OGN: variants seen among roughly 807,000 people sequenced by gnomAD.
OGN encodes mimecan.
A neutral mutation model predicts 30.8 loss-of-function variants in OGN; 19 were observed. The ratio of observed to expected loss-of-function variants is 0.62; its 90% CI spans 0.43 to 0.90. The LOEUF is 0.90. Among genes scored for constraint, OGN ranks in the 40% least tolerant of loss-of-function variants. The probability of loss-of-function intolerance (pLI) is 0.00; values close to 1 mark genes in which losing one functional copy is unlikely to be tolerated. For missense variants in OGN, 283 were observed against 349.7 expected, an observed-to-expected ratio of 0.81 and a Z score of 1.52; for synonymous variants, 126 against 128.3, an observed-to-expected ratio of 0.98 and a Z score of 0.12.
rs565018129 is a variant in OGN at position 92,388,463 on chromosome 9, G to A, written c.630+1391C>T. ...AGGCGTGAGCCACTGAACCTGTCCT[G>A]ATCAACTTTTATAGGTCTTTAACAT... is the stretch of plus-strand genomic sequence containing the variant. On this transcript the variant is annotated intron_variant, in intron 5 of 6. Coordinates refer to ENST00000375561, the MANE Select transcript of OGN (RefSeq NM_014057.5). 1.6e-4 allele frequency among the ~76,000 whole-genome samples: 24 copies of A among 151,918 alleles called. No homozygotes were observed. In the South Asian group the frequency reaches 5.0e-3, roughly 32 times the overall value.
rs1842317203 is a variant in OGN, at chr9:92,383,528, C to T, written c.*2092G>A. Among the ~76,000 whole-genome samples, 1 of 151,702 alleles carries T rather than the reference C, an allele frequency of 6.6e-6. No homozygotes were observed. Among genetic ancestry groups the T allele is most frequent in the African/African-American group, 2.4e-5 (1 of 41,282 alleles). On this transcript the variant is annotated 3_prime_UTR_variant, in exon 7 of 7. Transcript: ENST00000375561. ...ATTTAAAGCCTCTAATTATTAGTGT[C>T]AAGAATGAAACATTATGAATATAAT...
In OGN at chr9:92,383,872, T is replaced by C. The variant is rs1266038031; in HGVS notation, c.*1748A>G. The C allele has an allele frequency of 1.3e-5, 2 of 152,192 alleles. No homozygotes were observed. The highest frequency in any genetic ancestry group is 2.9e-5 in the Non-Finnish European group (2 of 68,004). The allele number at this position is 152,192 out of a possible 1,614,324, so 9.4% of individuals were successfully genotyped here. ...CATAAGTTTTATCATAAAAATAATA[T>C]AGGAATACATTATTTTTCTGAAAAC... On this transcript the variant is annotated 3_prime_UTR_variant, in exon 7 of 7. Transcript: ENST00000375561.
intron 3 of OGN, among the ~76,000 whole-genome samples, chr9:92,395,745 T>C (rs1289995931): frequency 2.6e-5 from 4 of 152,200 alleles, no homozygotes; most frequent in East Asian, 1.9e-4. Context: ...GTGTTTTAAT[T>C]TGTATTCTCT....
chr9:92,395,469 A>G (rs796405492), intron 3 of OGN, among the ~76,000 whole-genome samples: 7 of 152,176 alleles, frequency 4.6e-5, no homozygotes, highest in African/African-American at 1.7e-4. Flanking sequence ...TATTTCAAAG[A>G]AATTTATGTG....
chr9:92,401,028 G>A, intron 3 of OGN, 64 bp downstream of exon 3: 2 of 766,962 alleles, frequency 2.6e-6, no homozygotes, highest in Non-Finnish European at 2.2e-6. Context: ...ATTACCACAA[G>A]GAATAAAGTC....
chr9:92,386,396 C>T (rs1842423312), intron 5 of OGN, 100 bp from the exon 6 acceptor site: 9 of 724,296 alleles, frequency 1.2e-5, no homozygotes, highest in Non-Finnish European at 1.7e-5. Flanking sequence ...TCTATATATA[C>T]AGACTTGCAT....
intron 5 of OGN, among the ~76,000 whole-genome samples, chr9:92,389,365 A>G (rs889331977): frequency 6.6e-6 from 1 of 152,212 alleles, no homozygotes; most frequent in Admixed American, 6.5e-5. Flanking sequence ...TTTATATTAC[A>G]TGCTCTCATG....
intron 3 of OGN, among the ~76,000 whole-genome samples, chr9:92,393,700 A>G (rs561327858): frequency 3.9e-4 from 59 of 152,262 alleles, no homozygotes; most frequent in African/African-American, 1.3e-3. Flanking sequence ...ACCCCAAGTC[A>G]TTTATTACAT....
chr9:92,389,666 T>C lies in OGN; in HGVS notation c.630+188A>G, dbSNP rs1588084931. ...TAAAATAAAGGTTATGTATTTTAACTGAGATATGGGTATAAGCTAGGCTGA... is the reference window on the plus strand; with the variant it reads ...TAAAATAAAGGTTATGTATTTTAACCGAGATATGGGTATAAGCTAGGCTGA... On this transcript the variant is annotated intron_variant, in intron 5 of 6. Coordinates refer to ENST00000375561, the MANE Select transcript of OGN (RefSeq NM_014057.5). 8.6e-6 allele frequency: 4 copies of C among 462,912 alleles called. No homozygotes were observed. The East Asian group carries it at 1.3e-4, about 16-fold the overall frequency. The allele number at this position is 462,912 out of a possible 1,614,324, so 28.7% of individuals were successfully genotyped here. A position where few individuals can be genotyped will look rare whatever the true frequency, so the allele number is the denominator to read the frequency against.
intron 4 of OGN, among the ~76,000 whole-genome samples, chr9:92,390,911 G>A (rs1298844071): frequency 6.6e-6 from 1 of 152,068 alleles, no homozygotes. Flanking sequence ...GCATATCACA[G>A]CCTTTTTGTG....
chr9:92,389,270 C>T (rs1036798224), intron 5 of OGN, among the ~76,000 whole-genome samples: 4 of 152,094 alleles, frequency 2.6e-5, no homozygotes, highest in African/African-American at 9.7e-5. Flanking sequence ...TCTACCTAAA[C>T]CGAAGTAGAT....
chr9:92,394,995 G>A (rs917411983), intron 3 of OGN, among the ~76,000 whole-genome samples: 1 of 152,134 alleles, frequency 6.6e-6, no homozygotes, highest in Non-Finnish European at 1.5e-5. Context: ...TAGTCAAATT[G>A]TCACAGATTA....
At chr9:92,386,673 C>A (rs1250267878) in intron 5 of OGN, among the ~76,000 whole-genome samples, 1 of 152,140 alleles carries the variant, frequency 6.6e-6, no homozygotes, top group African/African-American at 2.4e-5. Context: ...CTGCCATAAC[C>A]TCTCCTGTAC....
chr9:92,401,830 T>G (rs1843124194), intron 2 of OGN, among the ~76,000 whole-genome samples: 1 of 152,156 alleles, frequency 6.6e-6, no homozygotes, highest in Non-Finnish European at 1.5e-5. Context: ...GAGAGTACGT[T>G]TTCTGCCATT....
rs1425578687 is a variant in OGN at position 92,393,165 on chromosome 9, GGGT to G, written c.345_347del (p.Pro116del). ...AAAGATAGGCTGATTCCTTTGGTAAGGGTGGTACAGCATCAATGTCAACTTCTT... is the reference window on the plus strand; with the variant it reads ...AAAGATAGGCTGATTCCTTTGGTAAGGGTACAGCATCAATGTCAACTTCTT... On this transcript the variant is annotated inframe_deletion, in exon 4 of 7. Coordinates refer to ENST00000375561, the MANE Select transcript of OGN (RefSeq NM_014057.5). The G allele has an allele frequency of 6.2e-7, 1 of 1,613,762 alleles. No homozygotes were observed. Among genetic ancestry groups the G allele is most frequent in the East Asian group, 2.2e-5 (1 of 44,832 alleles).
intron 4 of OGN, among the ~76,000 whole-genome samples, chr9:92,392,446 A>AC (rs759321554): frequency 6.6e-6 from 1 of 152,086 alleles, no homozygotes; most frequent in Non-Finnish European, 1.5e-5. Flanking sequence ...ACATGGTGAA[A>AC]CCCCATCTCT....
chr9:92,383,611 G>A lies in OGN; in HGVS notation c.*2009C>T, dbSNP rs1257309878. On this transcript the variant is annotated 3_prime_UTR_variant, in exon 7 of 7. Transcript: ENST00000375561. ...TTCGTCTGATATCTTCTGAATCTTG[G>A]TGGTATAATTTGTATTGTTTATTTT... is the stretch of plus-strand genomic sequence containing the variant. 6.6e-6 allele frequency among the ~76,000 whole-genome samples: 1 copy of A among 151,836 alleles called. No individual in the cohort carries two copies.
chr9:92,403,428 CTG>C lies in OGN; in HGVS notation c.-23_-22del, dbSNP rs1843201759. On this transcript the variant is annotated 5_prime_UTR_variant, in exon 2 of 7. Coordinates refer to ENST00000375561, the MANE Select transcript of OGN (RefSeq NM_014057.5). ...TTCATTTTAGCAAAAATCAAGGTGA[CTG>C]GAAGTTAATAAACTAGTGGCCTGCT... The C allele has an allele frequency of 6.3e-7, 1 of 1,586,992 alleles. No homozygotes were observed. Among genetic ancestry groups the C allele is most frequent in the Admixed American group, 1.8e-5 (1 of 54,628 alleles).
At chr9:92,394,071 T>C (rs766570341) in intron 3 of OGN, among the ~76,000 whole-genome samples, 6 of 152,216 alleles carry the variant, frequency 3.9e-5, no homozygotes, top group Non-Finnish European at 7.3e-5. Flanking sequence ...CATTGTACTT[T>C]CATATACTAG....
Sources: allele counts gnomAD v4.1 joint callset (sites outside exome capture counted in the v4.1 genomes callset), GRCh38; gene constraint gnomAD v4.1.1; transcripts MANE v1.5; gene names NCBI Gene and HGNC (gene_info 2026-07-23, HGNC 2026-07-21).